SHROOM3: variants seen among roughly 807,000 people sequenced by gnomAD.
SHROOM3 encodes the protein protein Shroom3.
A neutral mutation model predicts 138.6 loss-of-function variants in SHROOM3; 47 were observed. The observed-to-expected ratio is 0.34, with a 90% confidence interval of 0.27 to 0.43. The LOEUF (loss-of-function observed/expected upper bound fraction) is 0.43, where lower values mean the gene tolerates loss of function less well. Among genes scored for constraint, SHROOM3 ranks in the 20% least tolerant of loss-of-function variants. The pLI is 1.00. For synonymous variants in SHROOM3, 1,062 were observed against 1,063.3 expected (o/e 1.00, Z 0.02); for missense variants, 2,491 against 2,596.5 (o/e 0.96, Z 0.88).
chr4:76,495,540 T>C (rs1274392776), intron 1 of SHROOM3, among the ~76,000 whole-genome samples: 1 of 152,246 alleles, frequency 6.6e-6, no homozygotes, highest in Non-Finnish European at 1.5e-5. Context: ...GCTTCCTTCA[T>C]TGCCCTATAG....
At chr4:76,621,148 T>TTA (rs1560567774) in intron 2 of SHROOM3, among the ~76,000 whole-genome samples, 1 of 146,126 alleles carries the variant, frequency 6.8e-6, no homozygotes, top group African/African-American at 2.5e-5. Flanking sequence ...TGCCAAGTAT[T>TTA]AAAAAAAAAA....
At chr4:76,675,669 G>C (rs548077378) in intron 2 of SHROOM3, among the ~76,000 whole-genome samples, 1 of 152,156 alleles carries the variant, frequency 6.6e-6, no homozygotes, top group African/African-American at 2.4e-5. Flanking sequence ...ACCAGCCTAG[G>C]CAACATAGAG....
At chr4:76,513,026 T>C (rs1732370886) in intron 1 of SHROOM3, among the ~76,000 whole-genome samples, 1 of 152,192 alleles carries the variant, frequency 6.6e-6, no homozygotes, top group Non-Finnish European at 1.5e-5. Context: ...ATCTCAGGCC[T>C]GCCATGGTGC....
At chr4:76,635,613 C>T (rs1405087645) in intron 2 of SHROOM3, among the ~76,000 whole-genome samples, 1 of 152,174 alleles carries the variant, frequency 6.6e-6, no homozygotes, top group Non-Finnish European at 1.5e-5. Context: ...GTCTGAAAGG[C>T]CTCTGGAGAA....
At chr4:76,635,043 G>A (rs1735450612) in intron 2 of SHROOM3, among the ~76,000 whole-genome samples, 1 of 152,122 alleles carries the variant, frequency 6.6e-6, no homozygotes, top group African/African-American at 2.4e-5. Context: ...TACTGCAGGG[G>A]CCAGAAGAGA....
chr4:76,600,573 G>A (rs915440931), intron 2 of SHROOM3, among the ~76,000 whole-genome samples: 8 of 152,110 alleles, frequency 5.3e-5, no homozygotes, highest in African/African-American at 1.9e-4. Flanking sequence ...GCAGCTAATA[G>A]CACCTAAAGA....
intron 2 of SHROOM3, among the ~76,000 whole-genome samples, chr4:76,634,990 T>G (rs1448606192): frequency 6.6e-6 from 1 of 152,154 alleles, no homozygotes; most frequent in African/African-American, 2.4e-5. Context: ...ACTCCACAGA[T>G]ATTTATTGAG....
At chr4:76,457,855 G>A (rs1731061449) in intron 1 of SHROOM3, among the ~76,000 whole-genome samples, 1 of 151,340 alleles carries the variant, frequency 6.6e-6, no homozygotes, top group South Asian at 2.1e-4. Flanking sequence ...GAGTGCAGTG[G>A]CCTGATCTCG....
At chr4:76,526,228 G>A (rs539111481) in intron 1 of SHROOM3, among the ~76,000 whole-genome samples, 5 of 152,264 alleles carry the variant, frequency 3.3e-5, no homozygotes, top group East Asian at 3.9e-4. Flanking sequence ...TTAGCTGGGC[G>A]TGGTGGCAGG....
chr4:76,621,226 C>A (rs564741208), intron 2 of SHROOM3, among the ~76,000 whole-genome samples: 2 of 152,076 alleles, frequency 1.3e-5, no homozygotes, highest in Non-Finnish European at 2.9e-5. Context: ...TGGGCTAACA[C>A]CTGTCCCAGG....
intron 1 of SHROOM3, among the ~76,000 whole-genome samples, chr4:76,542,435 C>A (rs1733123638): frequency 6.6e-6 from 1 of 152,220 alleles, no homozygotes; most frequent in Non-Finnish European, 1.5e-5. Flanking sequence ...GGTTGTTAAT[C>A]AGCTGACCTC....
chr4:76,448,479 A>G (rs1730858686), intron 1 of SHROOM3, among the ~76,000 whole-genome samples: 1 of 152,138 alleles, frequency 6.6e-6, no homozygotes, highest in Non-Finnish European at 1.5e-5. Flanking sequence ...TGACACCAAG[A>G]GCAACCCTCC....
At chr4:76,660,746 G>C (rs1424670685) in intron 2 of SHROOM3, among the ~76,000 whole-genome samples, 1 of 152,122 alleles carries the variant, frequency 6.6e-6, no homozygotes, top group Non-Finnish European at 1.5e-5. Context: ...AAAGTGCTGG[G>C]ATTATAGACA....
At chr4:76,543,392 C>T (rs934761413) in intron 1 of SHROOM3, among the ~76,000 whole-genome samples, 13 of 152,064 alleles carry the variant, frequency 8.5e-5, no homozygotes, top group African/African-American at 1.9e-4. Flanking sequence ...GGTATACGAG[C>T]GTGTGGCTTA....
In SHROOM3 at chr4:76,521,630, G is replaced by A. The variant is rs539683360; in HGVS notation, c.169-33979G>A. ...AAATAACATTGTAGAAGTGGCGACGGCAAAGTCATTGTGCCCCAGTGATGC... is the reference window on the plus strand; with the variant it reads ...AAATAACATTGTAGAAGTGGCGACGACAAAGTCATTGTGCCCCAGTGATGC... On this transcript the variant is annotated intron_variant, in intron 1 of 10. Transcript: ENST00000296043. Among the ~76,000 whole-genome samples, 16 of 152,294 alleles carry A rather than the reference G, an allele frequency of 1.1e-4. 1 individual carries two copies. In the South Asian group the frequency reaches 2.9e-3, roughly 28 times the overall value.
chr4:76,513,738 C>A (rs1288052729), intron 1 of SHROOM3, among the ~76,000 whole-genome samples: 1 of 152,188 alleles, frequency 6.6e-6, no homozygotes, highest in Admixed American at 6.5e-5. Flanking sequence ...CATTAGCAAA[C>A]ACCTACAGAG....
intron 1 of SHROOM3, among the ~76,000 whole-genome samples, chr4:76,499,456 T>A (rs1435165905): frequency 1.3e-5 from 2 of 149,360 alleles, no homozygotes; most frequent in Non-Finnish European, 3.0e-5. Context: ...AATAGGATTT[T>A]AAAATGTCAA....
At chr4:76,623,518 A>G (rs141314396) in intron 2 of SHROOM3, among the ~76,000 whole-genome samples, 2,174 of 152,348 alleles carry the variant, frequency 0.014, 33 homozygotes, top group Non-Finnish European at 0.023. Context: ...CATTTACTAC[A>G]TAGGCCAAAT....
chr4:76,481,008 T>TA (rs1313414060), intron 1 of SHROOM3, among the ~76,000 whole-genome samples: 1 of 152,134 alleles, frequency 6.6e-6, no homozygotes, highest in African/African-American at 2.4e-5. Context: ...TTTATAGCAC[T>TA]AAATGCCCAC....
Sources: gnomAD v4.1 joint callset for allele counts (sites outside exome capture counted in the v4.1 genomes callset) on GRCh38, gnomAD v4.1.1 for gene constraint, MANE v1.5 for transcripts, NCBI Gene and HGNC (gene_info 2026-07-23, HGNC 2026-07-21) for gene names.